The following SDAD1 variants were observed in gnomAD, a reference collection of about 807,000 sequenced individuals.
SDAD1 encodes SDA1 domain containing 1.
A neutral mutation model predicts 100.3 loss-of-function variants in SDAD1; 79 were observed. That is an observed-to-expected ratio of 0.79 (90% CI 0.66 to 0.95). SDAD1 has a LOEUF of 0.95. SDAD1 is among the 40% of genes least tolerant of loss of function. SDAD1 has a pLI of 0.00. For synonymous variants in SDAD1, 267 were observed against 271.4 expected, an observed-to-expected ratio of 0.98 and a Z score of 0.16; for missense variants, 790 against 810.9, an observed-to-expected ratio of 0.97 and a Z score of 0.31.
intron 6 of SDAD1, among the ~76,000 whole-genome samples, chr4:75,974,885 A>C (rs1269282408): frequency 2.0e-5 from 3 of 150,528 alleles, no homozygotes; most frequent in Non-Finnish European, 4.4e-5. Flanking sequence ...ACTAAAATAC[A>C]AAAAAAATTA....
At chr4:75,964,291 T>C in intron 13 of SDAD1, 80 bp from the exon 14 acceptor site, 1 of 953,036 alleles carries the variant, frequency 1.0e-6, no homozygotes, top group Non-Finnish European at 1.6e-6. Flanking sequence ...GGACAATAGA[T>C]TATTCATAGT....
At chr4:75,973,944 A>T (rs897632758) in intron 7 of SDAD1, 132 bp downstream of exon 7, 45 of 676,970 alleles carry the variant, frequency 6.6e-5, no homozygotes, top group Non-Finnish European at 1.1e-4. Context: ...GTTTATGCTG[A>T]GTGATGCTTA....
chr4:75,957,528 C>T lies in SDAD1; in HGVS notation c.1759G>A (p.Glu587Lys). The stretch of plus-strand genomic sequence containing the variant: ...GATGTGCCATTTTACCTGGGCTCTT[C>T]ATCACTGTCTATTTCAATGTATTTC... Reference protein sequence around the residue: ...KRKYIEIDSDEEPRGELLSLR... With the variant: ...KRKYIEIDSDKEPRGELLSLR... The change falls in exon 19 of 22, where the codon GAA (glutamate) becomes AAA (lysine). Residue 587 changes from glutamate to lysine, a missense_variant. Physicochemically the swap from Glu to Lys is moderately conservative, Grantham distance 56 (BLOSUM62 1). Transcript: ENST00000356260. The T allele has an allele frequency of 6.2e-7, 1 of 1,614,130 alleles. No homozygotes were observed. Among genetic ancestry groups the T allele is most frequent in the Non-Finnish European group, 8.5e-7 (1 of 1,180,006 alleles).
chr4:75,958,852 C>A (rs1484260465), intron 17 of SDAD1, among the ~76,000 whole-genome samples: 1 of 150,512 alleles, frequency 6.6e-6, no homozygotes, highest in African/African-American at 2.4e-5. Context: ...AATCCCAGCC[C>A]TTTGGGAGGC....
chr4:75,965,885 G>A (rs1328076539), intron 12 of SDAD1, 63 bp from the exon 13 acceptor site: 4 of 1,313,918 alleles, frequency 3.0e-6, no homozygotes, highest in Middle Eastern at 1.8e-4. Flanking sequence ...GAGGACCACA[G>A]CAAACATGGC....
chr4:75,987,854 T>C (rs1730996720), intron 1 of SDAD1, among the ~76,000 whole-genome samples: 1 of 152,172 alleles, frequency 6.6e-6, no homozygotes, highest in Non-Finnish European at 1.5e-5. Flanking sequence ...CTTATTTGAC[T>C]CATCAGCATC....
intron 1 of SDAD1, among the ~76,000 whole-genome samples, chr4:75,986,633 A>C (rs1578152879): frequency 2.0e-5 from 3 of 151,894 alleles, no homozygotes; most frequent in Admixed American, 2.0e-4. Context: ...ACTAGTCCCC[A>C]CCTCCCATTT....
intron 1 of SDAD1, among the ~76,000 whole-genome samples, chr4:75,985,789 A>G (rs1224257881): frequency 6.6e-6 from 1 of 152,042 alleles, no homozygotes; most frequent in East Asian, 1.9e-4. Flanking sequence ...CATAATCTCA[A>G]CTAGAGGTAT....
chr4:75,987,792 G>A (rs989511531), intron 1 of SDAD1, among the ~76,000 whole-genome samples: 6 of 152,068 alleles, frequency 3.9e-5, no homozygotes, highest in African/African-American at 1.2e-4. Flanking sequence ...GTGAGCCACC[G>A]TGCCCGACCC....
At chr4:75,986,696 C>T (rs1278379690) in intron 1 of SDAD1, among the ~76,000 whole-genome samples, 2 of 152,102 alleles carry the variant, frequency 1.3e-5, no homozygotes, top group African/African-American at 4.8e-5. Flanking sequence ...GTTCTTTCTG[C>T]CATCTTAAAA....
chr4:75,960,270 T>A (rs569967772), intron 16 of SDAD1, 78 bp from the exon 17 acceptor site: 10 of 1,260,348 alleles, frequency 7.9e-6, no homozygotes, highest in African/African-American at 1.5e-5. Context: ...TCTGAAATTA[T>A]GAATTTATTT....
intron 4 of SDAD1, among the ~76,000 whole-genome samples, chr4:75,976,744 A>T (rs969668970): frequency 1.2e-4 from 10 of 86,832 alleles, no homozygotes; most frequent in African/African-American, 3.4e-4. Flanking sequence ...AAGTGTTATT[A>T]AAAAAAAAAT....
At position 75,981,340 on chromosome 4, in the gene SDAD1, GCA is replaced by G. The variant is rs750449851; in HGVS notation, c.294+30_294+31del. 8.8e-6 allele frequency: 14 copies of G among 1,599,858 alleles called. No individual in the cohort carries two copies. In the African/African-American group the frequency reaches 1.9e-4, roughly 21 times the overall value. On this transcript the variant is annotated intron_variant, in intron 3 of 21. Coordinates refer to ENST00000356260, the MANE Select transcript of SDAD1 (RefSeq NM_018115.4). ...TATGAACGCAGCACACATGAACACA[GCA>G]CAATTTATTCATCCAACTACTGGTC... is the stretch of plus-strand genomic sequence containing the variant.
chr4:75,960,985 T>G, intron 16 of SDAD1, 43 bp downstream of exon 16: 956 of 1,506,086 alleles, frequency 6.3e-4, no homozygotes, highest in Non-Finnish European at 8.1e-4. Context: ...TCTCAGTTTG[T>G]GAGACCATAA....
intron 4 of SDAD1, among the ~76,000 whole-genome samples, chr4:75,977,402 G>A (rs931041088): frequency 6.6e-6 from 1 of 152,114 alleles, no homozygotes; most frequent in African/African-American, 2.4e-5. Context: ...TAATAATAAT[G>A]AGGATCCCTC....
At chr4:75,973,761 A>G (rs537837041) in intron 7 of SDAD1, among the ~76,000 whole-genome samples, 5 of 152,196 alleles carry the variant, frequency 3.3e-5, no homozygotes, top group African/African-American at 1.2e-4. Context: ...AGGAGAAAAC[A>G]GTAAAAAACC....
chr4:75,988,220 G>C (rs1328282096), intron 1 of SDAD1, among the ~76,000 whole-genome samples: 5 of 152,096 alleles, frequency 3.3e-5, no homozygotes, highest in African/African-American at 9.7e-5. Context: ...ATATAGGGTG[G>C]TTCATGTATT....
intron 3 of SDAD1, among the ~76,000 whole-genome samples, chr4:75,979,672 C>T (rs1730380274): frequency 6.6e-6 from 1 of 152,040 alleles, no homozygotes; most frequent in African/African-American, 2.4e-5. Context: ...TCAGGCTGGT[C>T]TCGAACTCCC....
intron 21 of SDAD1, among the ~76,000 whole-genome samples, chr4:75,953,081 G>A (rs1057515247): frequency 7.9e-5 from 12 of 151,964 alleles, no homozygotes; most frequent in Non-Finnish European, 2.9e-5. Flanking sequence ...CAGGGCAAAG[G>A]GACACACATA....
Sources: gnomAD v4.1 joint callset for allele counts (sites outside exome capture counted in the v4.1 genomes callset) on GRCh38, gnomAD v4.1.1 for gene constraint, MANE v1.5 for transcripts, NCBI Gene and HGNC (gene_info 2026-07-23, HGNC 2026-07-21) for gene names.